The following FAM3B variants were observed in gnomAD, a reference collection of about 807,000 sequenced individuals.
The protein encoded by FAM3B is protein FAM3B.
In FAM3B, 29 loss-of-function variants were observed where a neutral mutation model predicts 28.4. That is an observed-to-expected ratio of 1.02 (90% CI 0.76 to 1.39). The LOEUF is 1.39. Among genes scored for constraint, FAM3B ranks in the 40% most tolerant of loss-of-function variants. FAM3B has a pLI of 0.00. For missense variants in FAM3B, 266 were observed against 293.9 expected (o/e 0.91, Z 0.69); for synonymous variants, 91 against 103.0 (o/e 0.88, Z 0.71).
intron 2 of FAM3B, among the ~76,000 whole-genome samples, chr21:41,336,842 T>C (rs948447211): frequency 6.6e-6 from 1 of 152,228 alleles, no homozygotes; most frequent in Non-Finnish European, 1.5e-5. Flanking sequence ...TCTTTGTCTT[T>C]TTTAAAAGTT....
At chr21:41,344,578 T>C in intron 4 of FAM3B, 44 bp downstream of exon 4, 1 of 1,560,158 alleles carries the variant, frequency 6.4e-7, no homozygotes, top group Non-Finnish European at 8.8e-7. Flanking sequence ...AAAAGCTCTC[T>C]GGTCAGATTT....
In FAM3B at chr21:41,342,414, T is replaced by G. The variant is rs1363774977; in HGVS notation, c.288-2062T>G. 2.0e-5 allele frequency among the ~76,000 whole-genome samples: 3 copies of G among 152,236 alleles called. 1 individual carries two copies. The highest frequency in any genetic ancestry group is 1.3e-4 in the Admixed American group (2 of 15,288). ...TTAACAAATTCTCTGCTCTTGTATC[T>G]TCTGCCCATTCACTTTCTCCTCTTC... On this transcript the variant is annotated intron_variant, in intron 3 of 7. Transcript: ENST00000357985.
upstream of FAM3B, among the ~76,000 whole-genome samples, chr21:41,313,381 T>C (rs13052933): frequency 0.21 from 31,300 of 150,682 alleles, 3,747 homozygotes; most frequent in East Asian, 0.53. Flanking sequence ...CCACCCTGCG[T>C]CTGCACTCAG....
At chr21:41,307,161 T>G (rs2088687020) in intron 1 of FAM3B, among the ~76,000 whole-genome samples, 1 of 152,276 alleles carries the variant, frequency 6.6e-6, no homozygotes, top group South Asian at 2.1e-4. Flanking sequence ...GAAGACATTC[T>G]GTAGCTTCTG....
chr21:41,320,218 C>T (rs1043919858), intron 1 of FAM3B: 3 of 152,316 alleles, frequency 2.0e-5, no homozygotes, highest in South Asian at 2.1e-4. Context: ...AGGCAATCCT[C>T]CTGCCTCAGC....
intron 1 of FAM3B, among the ~76,000 whole-genome samples, chr21:41,305,083 A>G (rs961553687): frequency 6.6e-6 from 1 of 152,170 alleles, no homozygotes; most frequent in African/African-American, 2.4e-5. Context: ...TGCTCCAACA[A>G]TGCAGAAAGG....
chr21:41,313,207 T>A (rs1034910414), upstream of FAM3B, among the ~76,000 whole-genome samples: 1 of 152,212 alleles, frequency 6.6e-6, no homozygotes. Flanking sequence ...CTTTTTTAGA[T>A]AACATGTTTT....
intron 1 of FAM3B, chr21:41,322,485 A>G (rs2056751589): frequency 1.5e-5 from 10 of 673,352 alleles, no homozygotes; most frequent in African/African-American, 3.6e-5. Context: ...GAAATCAACA[A>G]AACAGACAGA....
intron 2 of FAM3B, among the ~76,000 whole-genome samples, 178 bp downstream of exon 2, chr21:41,323,244 C>A (rs539234882): frequency 1.3e-5 from 2 of 152,176 alleles, no homozygotes; most frequent in Non-Finnish European, 2.9e-5. Context: ...AGGCACGTGC[C>A]GCTGCTGACC....
chr21:41,316,579 C>T (rs938929427), upstream of FAM3B, among the ~76,000 whole-genome samples: 3 of 152,190 alleles, frequency 2.0e-5, no homozygotes, highest in Non-Finnish European at 4.4e-5. Context: ...TGGGCTTCTC[C>T]GGTCAGATCA....
intron 7 of FAM3B, among the ~76,000 whole-genome samples, chr21:41,355,536 A>T (rs996965076): frequency 5.4e-5 from 8 of 149,044 alleles, no homozygotes; most frequent in Non-Finnish European, 1.0e-4. Flanking sequence ...ATATGGATGA[A>T]CCTTGAAAAC....
At chr21:41,345,984 T>G (rs2089055452) in intron 5 of FAM3B, 2 of 329,902 alleles carry the variant, frequency 6.1e-6, no homozygotes, top group Non-Finnish European at 5.5e-6. Flanking sequence ...TCTTTTTAGC[T>G]CTCATGATAT....
intron 2 of FAM3B, among the ~76,000 whole-genome samples, chr21:41,333,057 G>A (rs901819877): frequency 4.1e-5 from 6 of 146,246 alleles, no homozygotes; most frequent in South Asian, 2.2e-4. Context: ...TTTAATGTAC[G>A]CATTTATTAC....
At chr21:41,354,801 G>A (rs995654042) in intron 7 of FAM3B, among the ~76,000 whole-genome samples, 3 of 151,084 alleles carry the variant, frequency 2.0e-5, no homozygotes, top group Non-Finnish European at 4.4e-5. Context: ...TTTACCTATG[G>A]AACAAACCTG....
At chr21:41,338,635 A>C in intron 3 of FAM3B, 134 bp downstream of exon 3, 1 of 1,207,490 alleles carries the variant, frequency 8.3e-7, no homozygotes, top group Non-Finnish European at 1.1e-6. Context: ...GGCTGAGAGC[A>C]TCCAAGTGGA....
Position 41,316,906 on chromosome 21 carries a change from C to T in FAM3B, c.19+8C>T. On this transcript the variant is annotated splice_region_variant and intron_variant, in intron 1 of 7. Transcript: ENST00000357985. ...TGCGCCCATTGGCTGGTGGTGAGTG[C>T]GCCCCCGCCTCGGGGCGAGGGTAGG... 1 of 1,361,542 alleles carries T rather than the reference C, an allele frequency of 7.3e-7. No individual in the cohort carries two copies. Among genetic ancestry groups the T allele is most frequent in the South Asian group, 1.8e-5 (1 of 56,010 alleles). 84.3% of individuals were successfully genotyped at this position (1,361,542 alleles called of 1,614,324 possible). A position where few individuals can be genotyped will look rare whatever the true frequency, so the allele number is the denominator to read the frequency against.
intron 2 of FAM3B, among the ~76,000 whole-genome samples, chr21:41,329,679 C>T (rs1181003544): frequency 1.3e-5 from 2 of 151,910 alleles, no homozygotes; most frequent in Non-Finnish European, 2.9e-5. Flanking sequence ...AAGCGATTCT[C>T]CTGCCTCAGC....
At chr21:41,311,522 A>G (rs1000661373) in intron 1 of FAM3B, among the ~76,000 whole-genome samples, 1 of 151,698 alleles carries the variant, frequency 6.6e-6, no homozygotes, top group Admixed American at 6.6e-5. Context: ...AATAAAAACA[A>G]TACAACCATT....
intron 2 of FAM3B, among the ~76,000 whole-genome samples, chr21:41,335,241 C>T (rs2088944787): frequency 6.6e-6 from 1 of 152,122 alleles, no homozygotes; most frequent in South Asian, 2.1e-4. Context: ...ATTGGGAAAG[C>T]ATCATTGTAT....
Sources: gnomAD v4.1 joint callset for allele counts (sites outside exome capture counted in the v4.1 genomes callset) on GRCh38, gnomAD v4.1.1 for gene constraint, MANE v1.5 for transcripts, NCBI Gene and HGNC (gene_info 2026-07-23, HGNC 2026-07-21) for gene names.